The following KIAA1549 variants were observed in gnomAD, a reference collection of about 807,000 sequenced individuals.
KIAA1549 encodes KIAA1549, also known as UPF0606 protein KIAA1549.
KIAA1549 carries 70 observed loss-of-function variants against 156.4 expected under a neutral mutation model. The ratio of observed to expected loss-of-function variants is 0.45; its 90% CI spans 0.37 to 0.55. The LOEUF (loss-of-function observed/expected upper bound fraction) is 0.55, where lower values mean the gene tolerates loss of function less well. Ranked by LOEUF, KIAA1549 falls within the 20% of genes least tolerant of loss-of-function variation. KIAA1549 has a pLI of 0.00. For synonymous variants in KIAA1549, 1,103 were observed against 1,066.4 expected (o/e 1.03, Z -0.67); for missense variants, 2,428 against 2,540.9 (o/e 0.96, Z 0.96).
intron 12 of KIAA1549, among the ~76,000 whole-genome samples, chr7:138,876,812 A>G (rs1811097048): frequency 6.6e-6 from 1 of 152,224 alleles, no homozygotes. Flanking sequence ...GAACACAGTG[A>G]CATCTGAGTA....
chr7:138,961,254 G>A (rs1271555708), intron 1 of KIAA1549, among the ~76,000 whole-genome samples: 1 of 152,222 alleles, frequency 6.6e-6, no homozygotes, highest in African/African-American at 2.4e-5. Context: ...AAAGGTCAAA[G>A]TACATAGGAG....
intron 1 of KIAA1549, among the ~76,000 whole-genome samples, chr7:138,946,066 C>T (rs1024854701): frequency 6.6e-6 from 1 of 152,136 alleles, no homozygotes; most frequent in Non-Finnish European, 1.5e-5. Context: ...AAGCTCTCTC[C>T]ACCCTTTGCC....
intron 16 of KIAA1549, among the ~76,000 whole-genome samples, chr7:138,858,837 T>C (rs919564314): frequency 6.6e-6 from 1 of 151,990 alleles, no homozygotes; most frequent in Non-Finnish European, 1.5e-5. Flanking sequence ...AAACCCTATC[T>C]CTACTAAAAA....
At chr7:138,911,027 G>C in intron 4 of KIAA1549, 119 bp downstream of exon 4, 1 of 820,660 alleles carries the variant, frequency 1.2e-6, no homozygotes, top group Non-Finnish European at 1.9e-6. Flanking sequence ...CTGAGATCCT[G>C]TCTCTAAAAA....
intron 12 of KIAA1549, among the ~76,000 whole-genome samples, chr7:138,876,991 C>T (rs1292763937): frequency 1.3e-5 from 2 of 152,272 alleles, no homozygotes; most frequent in South Asian, 2.1e-4. Flanking sequence ...TAATATGCCA[C>T]ATGACCTGGG....
At chr7:138,900,634 G>A (rs1284114504) in intron 8 of KIAA1549, among the ~76,000 whole-genome samples, 2 of 152,140 alleles carry the variant, frequency 1.3e-5, no homozygotes, top group African/African-American at 4.8e-5. Flanking sequence ...AGCCTAATGG[G>A]AGGTATCTGA....
chr7:138,864,041 G>A (rs1301770744), intron 15 of KIAA1549, among the ~76,000 whole-genome samples: 3 of 152,114 alleles, frequency 2.0e-5, no homozygotes, highest in Non-Finnish European at 4.4e-5. Flanking sequence ...CACCAACCTA[G>A]AGCTCACGGG....
chr7:138,907,601 C>G (rs1263743301), intron 5 of KIAA1549, among the ~76,000 whole-genome samples: 2 of 152,160 alleles, frequency 1.3e-5, no homozygotes, highest in African/African-American at 4.8e-5. Flanking sequence ...CAAGAGCAGG[C>G]TACACAGTGG....
intron 16 of KIAA1549, among the ~76,000 whole-genome samples, chr7:138,854,052 C>T (rs547897390): frequency 6.6e-6 from 1 of 152,232 alleles, no homozygotes; most frequent in African/African-American, 2.4e-5. Context: ...CTAGGGACTA[C>T]ATGCCCTGAT....
rs1287628424 is a variant in KIAA1549, at chr7:138,837,195, G to C, written c.*711C>G. On this transcript the variant is annotated 3_prime_UTR_variant, in exon 20 of 20. Transcript: ENST00000422774. Reference sequence around the variant, plus strand: ...CTTTGGGAGGGATTTTTTTTTTCTAGAACAAAATGAAACCTTCAACATATT... The same window carrying C: ...CTTTGGGAGGGATTTTTTTTTTCTACAACAAAATGAAACCTTCAACATATT... 6 of 225,096 alleles carry C rather than the reference G, an allele frequency of 2.7e-5. No homozygotes were observed. The highest frequency in any genetic ancestry group is 1.3e-4 in the African/African-American group (6 of 44,634). The allele number at this position is 225,096 out of a possible 1,614,324, so 13.9% of individuals were successfully genotyped here. A position where few individuals can be genotyped will look rare whatever the true frequency, so the allele number is the denominator to read the frequency against.
chr7:138,869,756 C>T lies in KIAA1549; in HGVS notation c.4557G>A (p.Gln1519=), dbSNP rs1452848738. The change falls in exon 14 of 20, where the codon CAG becomes CAA. Residue 1519 remains glutamine (Q), a synonymous_variant. Coordinates refer to ENST00000422774, the MANE Select transcript of KIAA1549 (RefSeq NM_001164665.2). The part of the protein sequence containing the change: ...AESNKINKEI[Q]TALRHKSEIE... The stretch of plus-strand genomic sequence containing the variant: ...TCTCAGACTTGTGCCGCAGCGCGGT[C>T]TGAATCTGAGGAAGGGTGAGGGAGA... 1 of 1,608,626 alleles carries T rather than the reference C, an allele frequency of 6.2e-7. No homozygotes were observed. Among genetic ancestry groups the T allele is most frequent in the East Asian group, 2.2e-5 (1 of 44,790 alleles).
rs372244553 is a variant in KIAA1549 at position 138,933,043 on chromosome 7, G to A, written c.188-13605C>T. Among the ~76,000 whole-genome samples the A allele has an allele frequency of 9.8e-5, 15 of 152,318 alleles. No individual in the cohort carries two copies. The East Asian group carries it at 1.2e-3, about 12-fold the overall frequency. On this transcript the variant is annotated intron_variant, in intron 1 of 19. Coordinates refer to ENST00000422774, the MANE Select transcript of KIAA1549 (RefSeq NM_001164665.2). ...AAGGGTCGCTGTGCTGAATGACTCC[G>A]AGAGACCAGGCACGTGCAGGCTGGA...
chr7:138,935,148 A>G (rs186124070), intron 1 of KIAA1549, among the ~76,000 whole-genome samples: 2 of 152,348 alleles, frequency 1.3e-5, no homozygotes, highest in East Asian at 1.9e-4. Flanking sequence ...GAAAACAATG[A>G]CTGCAACCAA....
In KIAA1549 at chr7:138,919,139, C is replaced by A; in HGVS notation, c.487G>T (p.Asp163Tyr). ...ATCCGTGGAGTGGTCCAGTGAGTATCTGGCAGAAAGTTATCCATCTCATCG... is the reference window on the plus strand; with the variant it reads ...ATCCGTGGAGTGGTCCAGTGAGTATATGGCAGAAAGTTATCCATCTCATCG... ...NDDEMDNFLP[D>Y]THWTTPRMVS... is the part of the protein sequence containing the mutation. Residue 163 changes from aspartate (D) to tyrosine (Y), a missense_variant, in exon 2 of 20, where the codon GAT becomes TAT. Asp to Tyr is a radical substitution (Grantham distance 160). Transcript: ENST00000422774. The A allele has an allele frequency of 6.2e-7, 1 of 1,614,018 alleles. No homozygotes were observed.
chr7:138,881,513 T>A lies in KIAA1549; in HGVS notation c.4104A>T (p.Ile1368=), dbSNP rs1365618145. 6.2e-7 allele frequency: 1 copy of A among 1,613,896 alleles called. No homozygotes were observed. Among genetic ancestry groups the A allele is most frequent in the African/African-American group, 1.3e-5 (1 of 74,950 alleles). The stretch of plus-strand genomic sequence containing the variant: ...GTGGCGCTGGCTCATGAATAATCAA[T>A]ATGTCGTCTTTATTGTGCTGACCCA... ...QHLGQHNKDD[I]LIIHEPAPLP... Residue 1368 remains isoleucine, a synonymous_variant, in exon 11 of 20, where the codon ATA becomes ATT. Coordinates refer to ENST00000422774, the MANE Select transcript of KIAA1549 (RefSeq NM_001164665.2).
chr7:138,868,358 A>G (rs971792167), intron 14 of KIAA1549, among the ~76,000 whole-genome samples: 1 of 152,228 alleles, frequency 6.6e-6, no homozygotes, highest in African/African-American at 2.4e-5. Context: ...AGCCATTTGT[A>G]ATCATGACAT....
intron 16 of KIAA1549, among the ~76,000 whole-genome samples, chr7:138,853,999 A>T (rs1810305754): frequency 6.6e-6 from 1 of 152,216 alleles, no homozygotes; most frequent in Admixed American, 6.5e-5. Context: ...TTGTAGTGTG[A>T]GGATTTCAAC....
At chr7:138,970,706 C>A (rs1347649261) in intron 1 of KIAA1549, among the ~76,000 whole-genome samples, 1 of 152,204 alleles carries the variant, frequency 6.6e-6, no homozygotes. Flanking sequence ...ACACTTGGAG[C>A]AGCAAGGACC....
In KIAA1549 at chr7:138,917,633, G is replaced by A; in HGVS notation, c.1993C>T (p.Pro665Ser). 2 of 1,613,768 alleles carry A rather than the reference G, an allele frequency of 1.2e-6. No individual in the cohort carries two copies. The highest frequency in any genetic ancestry group is 4.5e-5 in the East Asian group (2 of 44,858). ...LSPFTSQSFS[P>S]LVETFTLFDS... Reference sequence around the variant, plus strand: ...AACAATGTAAATGTCTCAACCAAGGGAGAAAAAGACTGAGATGTGAAGGGG... The same window carrying A: ...AACAATGTAAATGTCTCAACCAAGGAAGAAAAAGACTGAGATGTGAAGGGG... The change falls in exon 2 of 20, where the codon CCC becomes TCC. Residue 665 changes from proline (P) to serine (S), a missense_variant. Physicochemically the swap from Pro to Ser is moderately conservative, Grantham distance 74. Around this residue, in one of 5 missense-constraint regions of KIAA1549, gnomAD observed 893 missense variants for 847.9 expected, o/e 1.05. Coordinates refer to ENST00000422774, the MANE Select transcript of KIAA1549 (RefSeq NM_001164665.2).
Sources: gnomAD v4.1 joint callset for allele counts (sites outside exome capture counted in the v4.1 genomes callset) on GRCh38, gnomAD v4.1.1 for gene constraint, gnomAD v4.1.1 regional missense constraint, MANE v1.5 for transcripts, NCBI Gene and HGNC (gene_info 2026-07-23, HGNC 2026-07-21) for gene names.